DPP10: variants seen among roughly 807,000 people sequenced by gnomAD.
The protein encoded by DPP10 is inactive dipeptidyl peptidase 10.
In DPP10, 33 loss-of-function variants were observed where a neutral mutation model predicts 120.9. That is an observed-to-expected ratio of 0.27 (90% confidence interval 0.21 to 0.37). The LOEUF (loss-of-function observed/expected upper bound fraction) is 0.37, where lower values mean the gene tolerates loss of function less well. Among genes scored for constraint, DPP10 ranks in the 10% least tolerant of loss-of-function variants. The pLI is 1.00. For synonymous variants in DPP10, 337 were observed against 326.1 expected (o/e 1.03, Z -0.36); for missense variants, 816 against 942.8 (o/e 0.87, Z 1.76).
chr2:114,978,845 A>C (rs1380412404), intron 1 of DPP10, among the ~76,000 whole-genome samples: 1 of 152,180 alleles, frequency 6.6e-6, no homozygotes, highest in Non-Finnish European at 1.5e-5. Context: ...TATGTCATGC[A>C]TGCTTGTTAC....
intron 1 of DPP10, among the ~76,000 whole-genome samples, chr2:115,106,790 A>G (rs1573636462): frequency 6.6e-6 from 1 of 151,960 alleles, no homozygotes; most frequent in African/African-American, 2.4e-5. Context: ...ACGTTCTTAA[A>G]CCGGGCCGGG....
At chr2:115,456,362 G>A (rs1251093162) in intron 3 of DPP10, among the ~76,000 whole-genome samples, 5 of 152,088 alleles carry the variant, frequency 3.3e-5, no homozygotes, top group Non-Finnish European at 7.4e-5. Flanking sequence ...GCTGTTGGTG[G>A]GACTGTAAAT....
At chr2:115,341,758 A>T (rs2106247123) in intron 2 of DPP10, among the ~76,000 whole-genome samples, 1 of 145,688 alleles carries the variant, frequency 6.9e-6, no homozygotes, top group East Asian at 2.0e-4. Context: ...AGTTTCCTCC[A>T]TATCTTTTCA....
At chr2:115,671,202 T>C (rs1393775061) in intron 5 of DPP10, among the ~76,000 whole-genome samples, 1 of 152,058 alleles carries the variant, frequency 6.6e-6, no homozygotes, top group Non-Finnish European at 1.5e-5. Context: ...TAAATTCATA[T>C]AGGTTTTTAA....
intron 5 of DPP10, among the ~76,000 whole-genome samples, chr2:115,565,011 C>A (rs1275332080): frequency 2.6e-5 from 4 of 152,026 alleles, no homozygotes; most frequent in Non-Finnish European, 5.9e-5. Flanking sequence ...TATATTCTGG[C>A]ACCAACTGGC....
intron 1 of DPP10, among the ~76,000 whole-genome samples, chr2:114,663,640 G>GAT (rs748891458): frequency 2.9e-3 from 317 of 107,822 alleles, no homozygotes; most frequent in East Asian, 7.8e-3. Flanking sequence ...TACATGTACA[G>GAT]ATATATATAT....
At chr2:115,392,908 G>A (rs1403920280) in intron 3 of DPP10, among the ~76,000 whole-genome samples, 1 of 151,898 alleles carries the variant, frequency 6.6e-6, no homozygotes, top group Non-Finnish European at 1.5e-5. Flanking sequence ...CTTCAAAATA[G>A]TCATATTATT....
chr2:115,452,278 G>C (rs17044377), intron 3 of DPP10, among the ~76,000 whole-genome samples: 3,685 of 152,000 alleles, frequency 0.024, 155 homozygotes, highest in African/African-American at 0.084. Flanking sequence ...GCAGGAAAAT[G>C]TATTTAGGTG....
chr2:115,472,108 T>C lies in DPP10; in HGVS notation c.272-27402T>C, dbSNP rs552151665. On this transcript the variant is annotated intron_variant, in intron 3 of 25. Coordinates refer to ENST00000410059, the MANE Select transcript of DPP10 (RefSeq NM_020868.6). Reference sequence around the variant, plus strand: ...TCCTGGCTGTGTTGTGCAATCCTTCTAGGTGCCTGCATGCTCTGTGCTTAT... The same window carrying C: ...TCCTGGCTGTGTTGTGCAATCCTTCCAGGTGCCTGCATGCTCTGTGCTTAT... Among the ~76,000 whole-genome samples, 7 of 152,304 alleles carry C rather than the reference T, an allele frequency of 4.6e-5. No homozygotes were observed. In the South Asian group the frequency reaches 1.2e-3, roughly 27 times the overall value.
At chr2:114,975,156 C>T (rs1446995338) in intron 1 of DPP10, among the ~76,000 whole-genome samples, 1 of 151,900 alleles carries the variant, frequency 6.6e-6, no homozygotes, top group African/African-American at 2.4e-5. Context: ...AGCGATTCTC[C>T]TGCCTCAGCC....
chr2:115,813,238 G>A (rs1686857268), intron 19 of DPP10, among the ~76,000 whole-genome samples: 1 of 152,112 alleles, frequency 6.6e-6, no homozygotes, highest in Non-Finnish European at 1.5e-5. Flanking sequence ...GCCTCGGCCT[G>A]ACTGGATATC....
intron 3 of DPP10, among the ~76,000 whole-genome samples, chr2:115,376,106 AG>A (rs1344393531): frequency 2.0e-5 from 3 of 152,104 alleles, no homozygotes; most frequent in Non-Finnish European, 2.9e-5. Context: ...GTCTTGGTGG[AG>A]CTATAGATGG....
intron 3 of DPP10, among the ~76,000 whole-genome samples, chr2:115,437,312 G>A (rs191461453): frequency 5.0e-4 from 76 of 152,078 alleles, no homozygotes; most frequent in African/African-American, 1.2e-3. Context: ...AACCTCTTAC[G>A]TAAGTTTTCA....
chr2:115,759,151 G>A (rs571588902), intron 11 of DPP10, among the ~76,000 whole-genome samples: 21 of 152,042 alleles, frequency 1.4e-4, no homozygotes, highest in Non-Finnish European at 2.4e-4. Flanking sequence ...ATGGGTATCA[G>A]ACAAAAACAC....
chr2:115,461,542 A>G (rs2073985473), intron 3 of DPP10, among the ~76,000 whole-genome samples: 1 of 152,126 alleles, frequency 6.6e-6, no homozygotes, highest in Non-Finnish European at 1.5e-5. Context: ...CCACACTTAT[A>G]AGCAAAAACT....
chr2:115,631,097 A>G (rs568261463), intron 5 of DPP10, among the ~76,000 whole-genome samples: 1 of 140,860 alleles, frequency 7.1e-6, no homozygotes, highest in Admixed American at 7.5e-5. Context: ...TCTCAATTTC[A>G]GAACTTGTTA....
chr2:115,127,656 C>T (rs2050145086), intron 1 of DPP10, among the ~76,000 whole-genome samples: 1 of 152,220 alleles, frequency 6.6e-6, no homozygotes, highest in African/African-American at 2.4e-5. Flanking sequence ...AAACAAGGGA[C>T]ATTCCACATA....
At chr2:115,017,875 G>A (rs971331294) in intron 1 of DPP10, among the ~76,000 whole-genome samples, 2 of 151,800 alleles carry the variant, frequency 1.3e-5, no homozygotes, top group East Asian at 1.9e-4. Context: ...AGTGGGGAGG[G>A]ATAGCATTAG....
chr2:114,702,103 T>C (rs758667644), intron 1 of DPP10, among the ~76,000 whole-genome samples: 2 of 152,124 alleles, frequency 1.3e-5, no homozygotes, highest in African/African-American at 2.4e-5. Flanking sequence ...AATGTATTTA[T>C]AGATCAACCA....
Sources: gnomAD v4.1 joint callset for allele counts (sites outside exome capture counted in the v4.1 genomes callset) on GRCh38, gnomAD v4.1.1 for gene constraint, MANE v1.5 for transcripts, NCBI Gene and HGNC (gene_info 2026-07-23, HGNC 2026-07-21) for gene names.